Variants in FAM133A observed in about 807,000 individuals in gnomAD.
FAM133A encodes family with sequence similarity 133 member A.
For missense variants in FAM133A, 159 were observed against 164.4 expected, an observed-to-expected ratio of 0.97 and a Z score of 0.18; for synonymous variants, 65 against 58.6, an observed-to-expected ratio of 1.11 and a Z score of -0.50.
At chrX:93,692,958 G>A (rs1925986439) in intron 2 of FAM133A, among the ~76,000 whole-genome samples, 1 of 111,407 alleles carries the variant, frequency 9.0e-6, no homozygotes, top group Non-Finnish European at 1.9e-5. Context: ...AAAAGTCAGG[G>A]ATTAAAGGAA....
At chrX:93,704,522 A>G (rs1426525396) in intron 3 of FAM133A, among the ~76,000 whole-genome samples, 3 of 111,850 alleles carry the variant, frequency 2.7e-5, no homozygotes, top group Admixed American at 9.5e-5. Context: ...TTTGAAAAAG[A>G]TGTTTCAACT....
intron 2 of FAM133A, among the ~76,000 whole-genome samples, chrX:93,687,815 C>A (rs1925638418): frequency 8.9e-6 from 1 of 111,990 alleles, no homozygotes; most frequent in South Asian, 3.7e-4. Context: ...AACTCACTAC[C>A]TTCCTCATCC....
At chrX:93,678,549 T>G (rs1411203016) in intron 2 of FAM133A, among the ~76,000 whole-genome samples, 2 of 112,061 alleles carry the variant, frequency 1.8e-5, no homozygotes, top group African/African-American at 6.5e-5. Context: ...TTAGAAATCT[T>G]TGCTTAACCC....
upstream of FAM133A, chrX:93,674,040 G>T (rs978981837): frequency 2.9e-5 from 3 of 104,956 alleles, no homozygotes; most frequent in African/African-American, 1.0e-4. Flanking sequence ...TCCAAATGGC[G>T]TCATTGGGTA....
chrX:93,680,197 G>A (rs150431884), intron 2 of FAM133A, among the ~76,000 whole-genome samples: 1 of 109,884 alleles, frequency 9.1e-6, no homozygotes, highest in African/African-American at 3.3e-5. Context: ...GAGATCACAT[G>A]GTATTTGTCT....
intron 2 of FAM133A, among the ~76,000 whole-genome samples, chrX:93,683,380 T>C (rs1235151740): frequency 2.7e-5 from 3 of 112,020 alleles, no homozygotes; most frequent in Non-Finnish European, 3.8e-5. Context: ...ATGGCTACCC[T>C]AATAACCCAG....
Position 93,688,448 on chromosome X carries a change from G to C in FAM133A, c.-192-9949G>C, listed in dbSNP as rs181361206. On this transcript the variant is annotated intron_variant, in intron 2 of 3. Transcript: ENST00000683942. ...TTGTTAGTATCTTTTTTGAATGGTAGTCTTGTATATTTGTCTAACTATTTA... is the reference window on the plus strand; with the variant it reads ...TTGTTAGTATCTTTTTTGAATGGTACTCTTGTATATTTGTCTAACTATTTA... Among the ~76,000 whole-genome samples the C allele has an allele frequency of 3.2e-3, 351 of 110,704 alleles. 3 individuals carry two copies. The highest frequency in any genetic ancestry group is 0.011 in the African/African-American group (338 of 30,472).
intron 2 of FAM133A, among the ~76,000 whole-genome samples, chrX:93,688,996 G>C (rs964617155): frequency 1.8e-5 from 2 of 110,434 alleles, no homozygotes; most frequent in Middle Eastern, 4.7e-3. Flanking sequence ...TATAGAGATG[G>C]TATTGGAGAA....
intron 2 of FAM133A, among the ~76,000 whole-genome samples, chrX:93,681,096 T>G (rs763119228): frequency 9.0e-6 from 1 of 111,312 alleles, no homozygotes; most frequent in South Asian, 3.7e-4. Flanking sequence ...TCTGAAGAAT[T>G]TCCATCCTAC....
At chrX:93,702,480 C>T (rs779316381) in intron 3 of FAM133A, among the ~76,000 whole-genome samples, 7 of 110,914 alleles carry the variant, frequency 6.3e-5, no homozygotes, top group African/African-American at 1.3e-4. Flanking sequence ...ACTCATGAAT[C>T]GATACTGGTA....
At chrX:93,675,421 CA>C (rs1200531519) in intron 2 of FAM133A, among the ~76,000 whole-genome samples, 1 of 111,526 alleles carries the variant, frequency 9.0e-6, no homozygotes, top group Non-Finnish European at 1.9e-5. Context: ...TAAGTAAGTG[CA>C]TATTCCATGG....
intron 2 of FAM133A, among the ~76,000 whole-genome samples, chrX:93,695,097 G>T (rs1926139573): frequency 9.0e-6 from 1 of 111,523 alleles, no homozygotes; most frequent in African/African-American, 3.3e-5. Context: ...GCATGTTGGT[G>T]ACAACATCCA....
At chrX:93,703,157 C>A (rs889622384) in intron 3 of FAM133A, among the ~76,000 whole-genome samples, 23 of 111,395 alleles carry the variant, frequency 2.1e-4, no homozygotes, top group African/African-American at 7.5e-4. Flanking sequence ...CCACTGCACT[C>A]CAGCCTGGGC....
Position 93,709,857 on chromosome X carries a change from G to A in FAM133A, c.438G>A (p.Thr146=), listed in dbSNP as rs1277479941. The A allele has an allele frequency of 4.2e-6, 5 of 1,200,431 alleles. No individual in the cohort carries two copies. The highest frequency in any genetic ancestry group is 5.6e-6 in the Non-Finnish European group (5 of 890,473). ...CATACAAATCATCCCAAAGCTCTAC[G>A]CATGAATCAGAATCAGAGAGCAAGG... ...NRSYKSSQSS[T]HESESESKES... Residue 146 remains threonine, a synonymous_variant, in exon 4 of 4, where the codon ACG becomes ACA. Coordinates refer to ENST00000683942, the MANE Select transcript of FAM133A (RefSeq NM_001171109.2).
At chrX:93,698,737 GA>G (rs944352668) in intron 3 of FAM133A, among the ~76,000 whole-genome samples, 2 of 111,671 alleles carry the variant, frequency 1.8e-5, no homozygotes, top group African/African-American at 6.5e-5. Flanking sequence ...AGTAAGCAGA[GA>G]AATGGAGCAA....
rs777368852 is a variant in FAM133A at position 93,674,697 on chromosome X, A to G, written c.-248A>G. The stretch of plus-strand genomic sequence containing the variant: ...TATTTACAGGATTTTTTTTTCTGCT[A>G]CAGAACAACTCCCTTGGTACAATAA... On this transcript the variant is annotated 5_prime_UTR_variant, in exon 2 of 4. Coordinates refer to ENST00000683942, the MANE Select transcript of FAM133A (RefSeq NM_001171109.2). 1 of 111,709 alleles carries G rather than the reference A, an allele frequency of 9.0e-6. No individual in the cohort carries two copies. The highest frequency in any genetic ancestry group is 1.9e-5 in the Non-Finnish European group (1 of 53,122). 9.2% of individuals were successfully genotyped at this position (111,709 alleles called of 1,213,427 possible).
chrX:93,705,024 G>A (rs749082214), intron 3 of FAM133A, among the ~76,000 whole-genome samples: 3 of 110,893 alleles, frequency 2.7e-5, no homozygotes, highest in Non-Finnish European at 5.7e-5. Flanking sequence ...CTTCCCTTCT[G>A]AATTAGGTCT....
intron 2 of FAM133A, among the ~76,000 whole-genome samples, chrX:93,690,128 G>A (rs1925793165): frequency 9.0e-6 from 1 of 110,805 alleles, no homozygotes; most frequent in Non-Finnish European, 1.9e-5. Flanking sequence ...ATGAAAATGG[G>A]TGCATACGGT....
At chrX:93,700,156 G>T (rs4893044) in intron 3 of FAM133A, among the ~76,000 whole-genome samples, 56,309 of 108,332 alleles carry the variant, frequency 0.52, 11,422 homozygotes, top group South Asian at 0.64. Flanking sequence ...CTGTTTTATG[G>T]AATCTTCCAC....
Sources: allele counts gnomAD v4.1 joint callset (sites outside exome capture counted in the v4.1 genomes callset), GRCh38; gene constraint gnomAD v4.1.1; transcripts MANE v1.5; gene names NCBI Gene and HGNC (gene_info 2026-07-23, HGNC 2026-07-21).